The following FAM227B variants were observed in gnomAD, a reference collection of about 807,000 sequenced individuals.
The protein encoded by FAM227B is protein FAM227B.
FAM227B carries 88 observed loss-of-function variants against 73.8 expected under a neutral mutation model. That is an observed-to-expected ratio of 1.19 (90% confidence interval 1.00 to 1.42). FAM227B has a LOEUF of 1.42. Ranked by LOEUF, FAM227B falls within the 40% of genes most tolerant of loss-of-function variation. The pLI is 0.00. For missense variants in FAM227B, 632 were observed against 590.9 expected, an observed-to-expected ratio of 1.07 and a Z score of -0.72; for synonymous variants, 210 against 190.5, an observed-to-expected ratio of 1.10 and a Z score of -0.84.
chr15:49,594,143 T>C (rs1022134052), intron 3 of FAM227B, among the ~76,000 whole-genome samples: 6 of 152,206 alleles, frequency 3.9e-5, no homozygotes, highest in African/African-American at 9.6e-5. Context: ...TGGTATTGCA[T>C]TGTGGTTTTG....
intron 5 of FAM227B, among the ~76,000 whole-genome samples, chr15:49,581,443 G>T (rs1474436935): frequency 6.6e-6 from 1 of 151,734 alleles, no homozygotes; most frequent in South Asian, 2.1e-4. Context: ...TCCTGCCTCA[G>T]CCTCCCAAGT....
intron 5 of FAM227B, among the ~76,000 whole-genome samples, chr15:49,587,428 C>T (rs2076234985): frequency 6.6e-6 from 1 of 152,218 alleles, no homozygotes; most frequent in Middle Eastern, 3.4e-3. Context: ...AGCAAACCCG[C>T]ATGTCACAAG....
In FAM227B at chr15:49,400,835, T is replaced by G. The variant is rs1031592986; in HGVS notation, c.1013-29436A>C. Among the ~76,000 whole-genome samples the G allele has an allele frequency of 4.1e-3, 618 of 150,850 alleles. 8 individuals carry two copies. The highest frequency in any genetic ancestry group is 0.014 in the African/African-American group (586 of 40,956). ...GAAACTTGATCCCTTCCTTACACCT[T>G]ATACAAAAATCAATTCAAGATGGAT... is the stretch of plus-strand genomic sequence containing the variant. On this transcript the variant is annotated intron_variant, in intron 11 of 15. Transcript: ENST00000299338.
At chr15:49,382,367 T>C (rs1287578246) in intron 11 of FAM227B, among the ~76,000 whole-genome samples, 2 of 152,090 alleles carry the variant, frequency 1.3e-5, no homozygotes, top group Non-Finnish European at 2.9e-5. Flanking sequence ...AAATGTGACG[T>C]TCCTAATCAT....
chr15:49,505,590 A>G (rs1054363441), intron 11 of FAM227B, among the ~76,000 whole-genome samples: 18 of 152,106 alleles, frequency 1.2e-4, no homozygotes, highest in African/African-American at 4.3e-4. Flanking sequence ...AACTTTAGAT[A>G]GTATTTTGAT....
chr15:49,385,214 T>C (rs2046805987), intron 11 of FAM227B, among the ~76,000 whole-genome samples: 1 of 151,942 alleles, frequency 6.6e-6, no homozygotes, highest in Admixed American at 6.6e-5. Context: ...TTAAAGTACA[T>C]TCATGTAACC....
intron 11 of FAM227B, among the ~76,000 whole-genome samples, chr15:49,372,576 C>T (rs1416106534): frequency 3.3e-5 from 5 of 152,152 alleles, no homozygotes; most frequent in Admixed American, 3.3e-4. Flanking sequence ...GTGACCTTTC[C>T]TTTCAACTGG....
intron 11 of FAM227B, among the ~76,000 whole-genome samples, chr15:49,382,213 A>T (rs2046584226): frequency 6.6e-6 from 1 of 152,046 alleles, no homozygotes. Context: ...ATGATAGAAG[A>T]ATTATACTGT....
intron 13 of FAM227B, among the ~76,000 whole-genome samples, chr15:49,338,037 G>A (rs1438611413): frequency 2.6e-5 from 4 of 152,136 alleles, no homozygotes; most frequent in African/African-American, 7.2e-5. Context: ...GGATTGCTGG[G>A]TCAAATGGTA....
At chr15:49,456,285 C>A (rs1325617686) in intron 11 of FAM227B, among the ~76,000 whole-genome samples, 7 of 151,902 alleles carry the variant, frequency 4.6e-5, no homozygotes, top group African/African-American at 1.7e-4. Flanking sequence ...TAATAGAATG[C>A]TTTGTGAAAG....
At chr15:49,585,422 G>C (rs2076090498) in intron 5 of FAM227B, among the ~76,000 whole-genome samples, 2 of 152,204 alleles carry the variant, frequency 1.3e-5, no homozygotes, top group African/African-American at 4.8e-5. Flanking sequence ...ATTCACAATA[G>C]CAAAGACTTG....
chr15:49,396,135 G>A (rs1342006711), intron 11 of FAM227B: 11 of 381,136 alleles, frequency 2.9e-5, no homozygotes, highest in African/African-American at 1.1e-4. Flanking sequence ...GTCAGTGGGT[G>A]TGCTCACCGT....
At chr15:49,331,729 T>C (rs1205446113) in intron 15 of FAM227B, 51 bp downstream of exon 15, 6 of 1,132,752 alleles carry the variant, frequency 5.3e-6, no homozygotes, top group Middle Eastern at 2.0e-4. Context: ...CCAGTCTATA[T>C]AAAAGAAGCT....
At chr15:49,453,246 T>C (rs778076613) in intron 11 of FAM227B, among the ~76,000 whole-genome samples, 1 of 152,072 alleles carries the variant, frequency 6.6e-6, no homozygotes, top group Non-Finnish European at 1.5e-5. Context: ...ATAATCAGTA[T>C]AAAAATATAT....
intron 13 of FAM227B, among the ~76,000 whole-genome samples, chr15:49,364,411 T>C (rs2044759894): frequency 6.6e-6 from 1 of 152,192 alleles, no homozygotes; most frequent in Non-Finnish European, 1.5e-5. Context: ...GAGATGTTCA[T>C]AGTAGTCTTG....
intron 13 of FAM227B, among the ~76,000 whole-genome samples, chr15:49,358,642 C>T (rs1398519351): frequency 9.4e-5 from 14 of 149,402 alleles, no homozygotes; most frequent in African/African-American, 2.0e-4. Flanking sequence ...GAATCAATAT[C>T]GTGAAAATGG....
intron 13 of FAM227B, 58 bp downstream of exon 13, chr15:49,367,390 T>C (rs1244744173): frequency 2.9e-6 from 4 of 1,383,908 alleles, no homozygotes; most frequent in Admixed American, 2.6e-5. Flanking sequence ...TTCAGTGAAA[T>C]GTTTTGAATA....
chr15:49,358,938 T>C (rs201283240), intron 13 of FAM227B, among the ~76,000 whole-genome samples: 32,346 of 141,518 alleles, frequency 0.23, 4,267 homozygotes, highest in Non-Finnish European at 0.32. Context: ...ACGCCGCATA[T>C]CTACAACTAT....
chr15:49,472,205 T>C (rs2054844051), intron 11 of FAM227B, among the ~76,000 whole-genome samples: 1 of 152,160 alleles, frequency 6.6e-6, no homozygotes, highest in Non-Finnish European at 1.5e-5. Context: ...AAGATTCAGT[T>C]TGGCTTAAAA....
Sources: gnomAD v4.1 joint callset for allele counts (sites outside exome capture counted in the v4.1 genomes callset) on GRCh38, gnomAD v4.1.1 for gene constraint, MANE v1.5 for transcripts, NCBI Gene and HGNC (gene_info 2026-07-23, HGNC 2026-07-21) for gene names.